The following MAPKAPK2 variants were observed in gnomAD, a reference collection of about 807,000 sequenced individuals.
MAPKAPK2 encodes the protein MAPK activated protein kinase 2.
MAPKAPK2 carries 9 observed loss-of-function variants against 48.8 expected under a neutral mutation model. That is an observed-to-expected ratio of 0.18 (90% CI 0.11 to 0.32). MAPKAPK2 has a LOEUF of 0.32. Among genes scored for constraint, MAPKAPK2 ranks in the 10% least tolerant of loss-of-function variants. The pLI is 1.00. For missense variants in MAPKAPK2, 331 were observed against 498.3 expected (o/e 0.66, Z 3.20); for synonymous variants, 202 against 190.6 (o/e 1.06, Z -0.49).
chr1:206,721,267 C>G (rs974686255), intron 1 of MAPKAPK2, among the ~76,000 whole-genome samples: 5 of 152,190 alleles, frequency 3.3e-5, no homozygotes, highest in African/African-American at 1.2e-4. Flanking sequence ...TGAGGCCTCA[C>G]CAAAAGCAGA....
chr1:206,732,048 A>G lies in MAPKAPK2; in HGVS notation c.1059+129A>G, dbSNP rs782384803. ...CCTCTCTCATCCCAGGGGTGTCTTC[A>G]TGACAAGAACAGCGACCAGGCCACT... is the stretch of plus-strand genomic sequence containing the variant. On this transcript the variant is annotated intron_variant, in intron 9 of 9. Coordinates refer to ENST00000367103, the MANE Select transcript of MAPKAPK2 (RefSeq NM_032960.4). This position sits in a 1 kb window ranked among gnomAD's most constrained non-coding sequence, Gnocchi z 4.4. 2.5e-6 allele frequency: 4 copies of G among 1,614,140 alleles called. No individual in the cohort carries two copies. The highest frequency in any genetic ancestry group is 3.4e-6 in the Non-Finnish European group (4 of 1,180,022).
chr1:206,710,580 A>T (rs1673113760), intron 1 of MAPKAPK2, among the ~76,000 whole-genome samples: 1 of 152,238 alleles, frequency 6.6e-6, no homozygotes, highest in Admixed American at 6.5e-5. Flanking sequence ...GACTACATAT[A>T]CAGCCTGGGA....
intron 1 of MAPKAPK2, among the ~76,000 whole-genome samples, chr1:206,712,825 G>C (rs924231326): frequency 2.0e-5 from 3 of 152,024 alleles, no homozygotes; most frequent in Non-Finnish European, 4.4e-5. Context: ...AATTTGCTGA[G>C]TGTGGTGGTG....
intron 1 of MAPKAPK2, among the ~76,000 whole-genome samples, chr1:206,698,838 G>C (rs1672707963): frequency 6.6e-6 from 1 of 152,062 alleles, no homozygotes; most frequent in South Asian, 2.1e-4. Flanking sequence ...TTTGGGGGGT[G>C]GGAAGGGGGA....
chr1:206,685,462 T>C lies in MAPKAPK2; in HGVS notation c.233T>C (p.Val78Ala). The C allele has an allele frequency of 6.5e-7, 1 of 1,539,582 alleles. No individual in the cohort carries two copies. The highest frequency in any genetic ancestry group is 8.8e-7 in the Non-Finnish European group (1 of 1,138,884). ...CTGGGGCTGGGCATCAACGGCAAAGTTTTGCAGATCTTCAACAAGAGGACC... is the reference window on the plus strand; with the variant it reads ...CTGGGGCTGGGCATCAACGGCAAAGCTTTGCAGATCTTCAACAAGAGGACC... ...QVLGLGINGK[V>A]LQIFNKRTQE... The change falls in exon 1 of 10, where the codon GTT (valine) becomes GCT (alanine). Residue 78 changes from valine (V) to alanine (A), a missense_variant. This residue lies in a region of MAPKAPK2 where 93 missense variants were observed against 81.0 expected (regional missense o/e 1.15). Transcript: ENST00000367103.
At chr1:206,698,409 C>T (rs782482332) in intron 1 of MAPKAPK2, among the ~76,000 whole-genome samples, 1 of 152,170 alleles carries the variant, frequency 6.6e-6, no homozygotes, top group African/African-American at 2.4e-5. Context: ...CCTTCTATAC[C>T]CTTGAGATCC....
intron 1 of MAPKAPK2, among the ~76,000 whole-genome samples, chr1:206,690,093 G>T (rs1376971651): frequency 6.6e-6 from 1 of 152,224 alleles, no homozygotes; most frequent in East Asian, 1.9e-4. Flanking sequence ...GTGGTCAGGG[G>T]TTGGTGGCTC....
In MAPKAPK2 at chr1:206,730,011, A is replaced by G. The variant is rs1484281453; in HGVS notation, c.604A>G (p.Ile202Val). ...ATACACCTCCAAAAGGCCCAACGCCATCCTGAAACTCACTGACTTTGGCTT... is the reference window on the plus strand; with the variant it reads ...ATACACCTCCAAAAGGCCCAACGCCGTCCTGAAACTCACTGACTTTGGCTT... ...LLYTSKRPNA[I>V]LKLTDFGFAK... Residue 202 changes from isoleucine to valine, a missense_variant, in exon 5 of 10, where the codon ATC (isoleucine) becomes GTC (valine). Physicochemically the swap from Ile to Val is conservative, Grantham distance 29. Around this residue, in one of 4 missense-constraint regions of MAPKAPK2, gnomAD observed 111 missense variants for 193.6 expected, o/e 0.57. Coordinates refer to ENST00000367103, the MANE Select transcript of MAPKAPK2 (RefSeq NM_032960.4). The G allele has an allele frequency of 3.7e-6, 6 of 1,614,124 alleles. No homozygotes were observed. Among genetic ancestry groups the G allele is most frequent in the Middle Eastern group, 1.6e-4 (1 of 6,084 alleles).
At chr1:206,708,645 T>G (rs1558579531) in intron 1 of MAPKAPK2, among the ~76,000 whole-genome samples, 1 of 152,188 alleles carries the variant, frequency 6.6e-6, no homozygotes. Context: ...CAGTGAAAAA[T>G]GCACAACTCT....
At chr1:206,707,579 G>A (rs1204084854) in intron 1 of MAPKAPK2, among the ~76,000 whole-genome samples, 1 of 152,142 alleles carries the variant, frequency 6.6e-6, no homozygotes, top group Non-Finnish European at 1.5e-5. Context: ...CCCTCACTGT[G>A]TTAATGGACT....
At chr1:206,711,529 G>GT (rs1192117422) in intron 1 of MAPKAPK2, among the ~76,000 whole-genome samples, 2 of 151,936 alleles carry the variant, frequency 1.3e-5, no homozygotes, top group Admixed American at 1.3e-4. Flanking sequence ...GGGATTACAG[G>GT]TGTGAGCCAC....
chr1:206,695,926 G>T lies in MAPKAPK2; in HGVS notation c.279+10418G>T, dbSNP rs773321627. 119 of 653,838 alleles carry T rather than the reference G, an allele frequency of 1.8e-4. 1 individual carries two copies. The highest frequency in any genetic ancestry group is 5.0e-4 in the Middle Eastern group (2 of 4,024). The allele number at this position is 653,838 out of a possible 1,614,324, so 40.5% of individuals were successfully genotyped here. Reference sequence around the variant, plus strand: ...CCGATCTTCATACCTGAGCGGGCAAGGGCCCTGAGGGCCACCTGGGCCCCA... The same window carrying T: ...CCGATCTTCATACCTGAGCGGGCAATGGCCCTGAGGGCCACCTGGGCCCCA... On this transcript the variant is annotated intron_variant, in intron 1 of 9. Transcript: ENST00000367103.
intron 1 of MAPKAPK2, among the ~76,000 whole-genome samples, chr1:206,686,519 A>G (rs1240023313): frequency 1.3e-5 from 2 of 152,222 alleles, no homozygotes; most frequent in Non-Finnish European, 2.9e-5. Flanking sequence ...TTTTCCTCTC[A>G]CAGGGGTTTC....
chr1:206,685,545 T>G (rs1553425465), intron 1 of MAPKAPK2, 37 bp downstream of exon 1: 1 of 1,440,468 alleles, frequency 6.9e-7, no homozygotes, highest in Non-Finnish European at 9.2e-7. Context: ...GCGGGGCCGG[T>G]CCCGGGCCCT....
At position 206,729,155 on chromosome 1, in the gene MAPKAPK2, A is replaced by C; in HGVS notation, c.484+56A>C. 7 of 1,569,002 alleles carry C rather than the reference A, an allele frequency of 4.5e-6. No homozygotes were observed. The Admixed American group carries it at 1.2e-4, about 27-fold the overall frequency. On this transcript the variant is annotated intron_variant, in intron 3 of 9. Coordinates refer to ENST00000367103, the MANE Select transcript of MAPKAPK2 (RefSeq NM_032960.4). ...AGGCAGGCAGGGCAGTGGGGGTCTG[A>C]AGGGGGCCTTTGCAGTGCCTGCTCT...
chr1:206,685,272 C>T lies in MAPKAPK2; in HGVS notation c.43C>T (p.Pro15Ser), dbSNP rs1553425319. The part of the protein sequence containing the change: ...SQGQSPPVPF[P>S]APAPPPQPPT... ...GGGCCAGAGCCCGCCGGTGCCGTTC[C>T]CCGCCCCGGCCCCGCCGCCGCAGCC... The change falls in exon 1 of 10, where the codon CCC (proline) becomes TCC (serine). Residue 15 changes from proline to serine, a missense_variant. Transcript: ENST00000367103. The T allele has an allele frequency of 1.5e-5, 8 of 542,554 alleles. No homozygotes were observed. In the South Asian group the frequency reaches 2.8e-4, roughly 19 times the overall value. 33.6% of individuals were successfully genotyped at this position (542,554 alleles called of 1,614,324 possible).
chr1:206,706,133 TTTATTTA>T (rs1672950178), intron 1 of MAPKAPK2, among the ~76,000 whole-genome samples: 1 of 150,786 alleles, frequency 6.6e-6, no homozygotes, highest in Non-Finnish European at 1.5e-5. Context: ...TATTTATTTA[TTTATTTA>T]TTTATTTATT....
At chr1:206,724,630 A>C (rs1276579630) in intron 1 of MAPKAPK2, among the ~76,000 whole-genome samples, 1 of 151,730 alleles carries the variant, frequency 6.6e-6, no homozygotes, top group African/African-American at 2.4e-5. Context: ...CTTCATGGGA[A>C]ATTCTTGCTA....
At chr1:206,722,472 T>G (rs1310938189) in intron 1 of MAPKAPK2, among the ~76,000 whole-genome samples, 2 of 152,270 alleles carry the variant, frequency 1.3e-5, no homozygotes, top group Non-Finnish European at 2.9e-5. Flanking sequence ...ACTGATTACA[T>G]AGTTGATTAA....
Sources: gnomAD v4.1 joint callset for allele counts (sites outside exome capture counted in the v4.1 genomes callset) on GRCh38, gnomAD v4.1.1 for gene constraint, gnomAD v4.1.1 regional missense constraint, Gnocchi (gnomAD v3.1) non-coding constraint, MANE v1.5 for transcripts, NCBI Gene and HGNC (gene_info 2026-07-23, HGNC 2026-07-21) for gene names.